The following INPP4B variants were observed in gnomAD, a reference collection of about 807,000 sequenced individuals.
The protein encoded by INPP4B is inositol polyphosphate-4-phosphatase type II B.
In INPP4B, 55 loss-of-function variants were observed where a neutral mutation model predicts 122.5. The ratio of observed to expected loss-of-function variants is 0.45; its 90% confidence interval spans 0.36 to 0.56. The LOEUF (loss-of-function observed/expected upper bound fraction) is 0.56, where lower values mean the gene tolerates loss of function less well. Among genes scored for constraint, INPP4B ranks in the 20% least tolerant of loss-of-function variants. INPP4B has a pLI of 0.00. For synonymous variants in INPP4B, 403 were observed against 388.7 expected (o/e 1.04, Z -0.43); for missense variants, 1,000 against 1,097.7 (o/e 0.91, Z 1.26).
At chr4:142,651,688 G>C (rs1752995111) in intron 2 of INPP4B, among the ~76,000 whole-genome samples, 1 of 152,060 alleles carries the variant, frequency 6.6e-6, no homozygotes, top group South Asian at 2.1e-4. Context: ...TCGAATCTCT[G>C]AATAGACCAA....
chr4:142,660,119 C>G lies in INPP4B; in HGVS notation c.-191+65720G>C, dbSNP rs145712640. Among the ~76,000 whole-genome samples, 85 of 152,276 alleles carry G rather than the reference C, an allele frequency of 5.6e-4. 2 individuals carry two copies. The East Asian group carries it at 0.015, about 27-fold the overall frequency. ...AAATGAGGTCTAGGGAACTCCAAAG[C>G]TACTGACATTAGGTGGGAAAGAGAC... On this transcript the variant is annotated intron_variant, in intron 2 of 25. Transcript: ENST00000262992.
chr4:142,276,554 AT>A (rs1288723195), intron 9 of INPP4B, among the ~76,000 whole-genome samples: 1 of 151,966 alleles, frequency 6.6e-6, no homozygotes, highest in Non-Finnish European at 1.5e-5. Context: ...CTCTGTAAAG[AT>A]TTTCCAGCTA....
intron 2 of INPP4B, among the ~76,000 whole-genome samples, chr4:142,606,023 G>A (rs541840752): frequency 6.6e-6 from 1 of 151,926 alleles, no homozygotes; most frequent in Non-Finnish European, 1.5e-5. Flanking sequence ...AATGGATAAA[G>A]AAAATGTGGT....
In INPP4B at chr4:142,075,311, G is replaced by T. The variant is rs368775344; in HGVS notation, c.2642+6720C>A. On this transcript the variant is annotated intron_variant, in intron 25 of 25. Coordinates refer to ENST00000262992, the MANE Select transcript of INPP4B (RefSeq NM_001101669.3). ...CATTAATTACAGGATATCCTAACTT[G>T]CCAGTGAAAGCTGTGGGAATTCAGG... Among the ~76,000 whole-genome samples, 10 of 151,896 alleles carry T rather than the reference G, an allele frequency of 6.6e-5. No homozygotes were observed. The South Asian group carries it at 2.1e-3, about 32-fold the overall frequency.
intron 2 of INPP4B, among the ~76,000 whole-genome samples, chr4:142,525,975 TCTG>T (rs1425429579): frequency 2.0e-5 from 3 of 152,114 alleles, no homozygotes; most frequent in Non-Finnish European, 2.9e-5. Flanking sequence ...GGAGAAAATT[TCTG>T]CTTTTAGCTT....
At chr4:142,298,820 T>C (rs1311836192) in intron 9 of INPP4B, among the ~76,000 whole-genome samples, 1 of 152,090 alleles carries the variant, frequency 6.6e-6, no homozygotes, top group Non-Finnish European at 1.5e-5. Flanking sequence ...CTGTGCAACA[T>C]TAAGAAGTTG....
intron 7 of INPP4B, among the ~76,000 whole-genome samples, chr4:142,399,192 T>TTC (rs1800783108): frequency 8.7e-6 from 1 of 115,134 alleles, no homozygotes; most frequent in African/African-American, 3.7e-5. Context: ...CCTTTTGCTT[T>TTC]TTTTTTTTTT....
chr4:142,049,360 G>T, intron 25 of INPP4B, among the ~76,000 whole-genome samples: 1 of 151,970 alleles, frequency 6.6e-6, no homozygotes, highest in East Asian at 1.9e-4. Context: ...GAAAACTAAA[G>T]ACATAGGAAG....
At chr4:142,391,082 T>C (rs1323580853) in intron 7 of INPP4B, among the ~76,000 whole-genome samples, 1 of 152,200 alleles carries the variant, frequency 6.6e-6, no homozygotes, top group African/African-American at 2.4e-5. Context: ...TTTATTTGAA[T>C]ACCAAGAAAA....
chr4:142,061,213 T>G (rs77424509), intron 25 of INPP4B, among the ~76,000 whole-genome samples: 3,881 of 152,252 alleles, frequency 0.025, 186 homozygotes, highest in African/African-American at 0.089. Flanking sequence ...ATGGAATGGG[T>G]TGATACCCAA....
At chr4:142,150,680 G>A (rs752110912) in intron 17 of INPP4B, among the ~76,000 whole-genome samples, 2 of 152,094 alleles carry the variant, frequency 1.3e-5, no homozygotes, top group Non-Finnish European at 2.9e-5. Context: ...TAACATGCAG[G>A]TCAAACCCAA....
At chr4:142,337,733 T>C (rs1777224022) in intron 7 of INPP4B, among the ~76,000 whole-genome samples, 1 of 41,340 alleles carries the variant, frequency 2.4e-5, no homozygotes. Context: ...ATTTTATATA[T>C]ATTTATATAT....
chr4:142,657,320 G>A (rs1754345953), intron 2 of INPP4B, among the ~76,000 whole-genome samples: 1 of 152,186 alleles, frequency 6.6e-6, no homozygotes, highest in South Asian at 2.1e-4. Flanking sequence ...GGTTTGTTAA[G>A]TGTTTTGAGG....
chr4:142,289,060 T>C (rs1755165884), intron 9 of INPP4B, among the ~76,000 whole-genome samples: 1 of 152,198 alleles, frequency 6.6e-6, no homozygotes, highest in Non-Finnish European at 1.5e-5. Flanking sequence ...TGTTATTATC[T>C]TTATTATACT....
At chr4:142,194,472 G>T (rs991318084) in intron 14 of INPP4B, among the ~76,000 whole-genome samples, 1 of 152,092 alleles carries the variant, frequency 6.6e-6, no homozygotes, top group South Asian at 2.1e-4. Context: ...TCATGGAAAG[G>T]CATCACAGCT....
chr4:142,464,529 G>T, intron 2 of INPP4B, among the ~76,000 whole-genome samples: 1 of 151,464 alleles, frequency 6.6e-6, no homozygotes, highest in African/African-American at 2.4e-5. Flanking sequence ...CATTTAATTT[G>T]GGGAAAAAAA....
chr4:142,375,683 T>G (rs556802214), intron 7 of INPP4B, among the ~76,000 whole-genome samples: 2 of 151,980 alleles, frequency 1.3e-5, no homozygotes, highest in Non-Finnish European at 2.9e-5. Flanking sequence ...CTTTCCCCTT[T>G]GCTTCCTGGC....
At chr4:142,054,984 T>G (rs951114832) in intron 25 of INPP4B, among the ~76,000 whole-genome samples, 1 of 152,068 alleles carries the variant, frequency 6.6e-6, no homozygotes, top group Non-Finnish European at 1.5e-5. Context: ...TACTAAGAGA[T>G]AAGAGTGGCC....
chr4:142,631,374 C>T (rs776693683), intron 2 of INPP4B, among the ~76,000 whole-genome samples: 1 of 151,506 alleles, frequency 6.6e-6, no homozygotes, highest in African/African-American at 2.4e-5. Context: ...AAATGATTTG[C>T]AAGAAAATAT....
Sources: allele counts gnomAD v4.1 joint callset (sites outside exome capture counted in the v4.1 genomes callset), GRCh38; gene constraint gnomAD v4.1.1; transcripts MANE v1.5; gene names NCBI Gene and HGNC (gene_info 2026-07-23, HGNC 2026-07-21).